MAPK12: variants seen among roughly 807,000 people sequenced by gnomAD.
MAPK12 encodes MAP kinase 12.
MAPK12 carries 49 observed loss-of-function variants against 49.1 expected under a neutral mutation model. That is an observed-to-expected ratio of 1.00 (90% CI 0.79 to 1.27). The LOEUF is 1.27. MAPK12 is among the 50% of genes most tolerant of loss of function. The pLI is 0.00. For synonymous variants in MAPK12, 251 were observed against 209.7 expected (o/e 1.20, Z -1.70); for missense variants, 554 against 502.4 (o/e 1.10, Z -0.98).
chr22:50,257,197 T>C lies in MAPK12; in HGVS notation c.315-4A>G. On this transcript the variant is annotated splice_region_variant and splice_polypyrimidine_tract_variant and intron_variant, in intron 3 of 11. Transcript: ENST00000215659. The stretch of plus-strand genomic sequence containing the variant: ...CATGAACGGCATCACCAGGTAACTG[T>C]GGGAGGGGCCGGAGCGCTGTCAGCG... 1 of 1,609,646 alleles carries C rather than the reference T, an allele frequency of 6.2e-7. No individual in the cohort carries two copies. Among genetic ancestry groups the C allele is most frequent in the Non-Finnish European group, 8.5e-7 (1 of 1,177,622 alleles).
At chr22:50,256,021 C>G (rs1472514964) in intron 7 of MAPK12, 64 bp downstream of exon 7, 4 of 1,538,228 alleles carry the variant, frequency 2.6e-6, no homozygotes, top group Admixed American at 3.4e-5. Flanking sequence ...CAGGGCTGTC[C>G]GTGAAGAAGT....
At position 50,253,095 on chromosome 22, in the gene MAPK12, C is replaced by G; in HGVS notation, c.*306G>C. The G allele has an allele frequency of 2.3e-6, 1 of 441,632 alleles. No individual in the cohort carries two copies. 27.4% of individuals were successfully genotyped at this position (441,632 alleles called of 1,614,324 possible). On this transcript the variant is annotated 3_prime_UTR_variant, in exon 12 of 12. Coordinates refer to ENST00000215659, the MANE Select transcript of MAPK12 (RefSeq NM_002969.6). ...GCAGGCAGGGCTCAGAGGCCAAGGC[C>G]TGATCTGGAGCCCCACCAGCTCTGA...
Position 50,261,620 on chromosome 22 carries a change from T to A in MAPK12, c.-111A>T, listed in dbSNP as rs187578301. ...GGCCGGCTCCGCGCCGCTCGTCCGC[T>A]CGCCCGCCCGCCCGCCGGCCGCTGG... On this transcript the variant is annotated 5_prime_UTR_variant, in exon 1 of 12. Transcript: ENST00000215659. 1 of 953,200 alleles carries A rather than the reference T, an allele frequency of 1.0e-6. No homozygotes were observed. The highest frequency in any genetic ancestry group is 1.2e-6 in the Non-Finnish European group (1 of 811,482). The allele number at this position is 953,200 out of a possible 1,614,324, so 59.0% of individuals were successfully genotyped here.
chr22:50,255,810 G>A lies in MAPK12; in HGVS notation c.691C>T (p.His231Tyr), dbSNP rs148359556. Residue 231 changes from histidine (H) to tyrosine (Y), a missense_variant and splice_region_variant, in exon 8 of 12, where the codon CAC becomes TAC. Coordinates refer to ENST00000215659, the MANE Select transcript of MAPK12 (RefSeq NM_002969.6). ...TGKTLFKGSDHLDQLKEIMKV... is the reference protein window; with the variant it reads ...TGKTLFKGSDYLDQLKEIMKV... The stretch of plus-strand genomic sequence containing the variant: ...GTGCCGCCCTGCGGCTGGAGGATAC[G>A]GTCGCTGCCCTTGAACAGCGTCTTG... The A allele has an allele frequency of 2.6e-4, 420 of 1,612,520 alleles. No individual in the cohort carries two copies. The highest frequency in any genetic ancestry group is 3.4e-4 in the Non-Finnish European group (397 of 1,180,006).
At position 50,261,248 on chromosome 22, in the gene MAPK12, C is replaced by T. The variant is rs760232268; in HGVS notation, c.174G>A (p.Leu58=). ...ACAGCTCGGACTGGAAAGGCCGATA[C>T]AGCTTCTTGATGGCCACCTTAGCGC... is the stretch of plus-strand genomic sequence containing the variant. ...RTGAKVAIKK[L]YRPFQSELFA... The change falls in exon 2 of 12, where the codon CTG becomes CTA. Residue 58 remains leucine (L), a synonymous_variant. Transcript: ENST00000215659. 6.4e-7 allele frequency: 1 copy of T among 1,570,512 alleles called. No individual in the cohort carries two copies. The highest frequency in any genetic ancestry group is 1.2e-5 in the South Asian group (1 of 85,472).
chr22:50,260,389 G>A (rs1435513695), intron 2 of MAPK12, among the ~76,000 whole-genome samples: 2 of 152,100 alleles, frequency 1.3e-5, no homozygotes, highest in Admixed American at 6.5e-5. Context: ...GCCCAGACCA[G>A]GGGGAGGGCA....
chr22:50,257,701 A>G, intron 3 of MAPK12: 1 of 610,150 alleles, frequency 1.6e-6, no homozygotes, highest in East Asian at 2.7e-5. Context: ...GGTATTTAGC[A>G]CCTTCCCAGA....
intron 2 of MAPK12, among the ~76,000 whole-genome samples, chr22:50,260,460 C>T (rs1310302060): frequency 6.6e-6 from 1 of 152,046 alleles, no homozygotes; most frequent in East Asian, 1.9e-4. Context: ...GCACCCCTGG[C>T]AGAGAGATCG....
At chr22:50,258,188 C>T (rs2065171519) in intron 3 of MAPK12, 55 bp downstream of exon 3, 2 of 1,559,938 alleles carry the variant, frequency 1.3e-6, no homozygotes, top group South Asian at 2.2e-5. Context: ...GAAGCCAGTG[C>T]CCAGAGCTGC....
At chr22:50,253,673 A>T in intron 11 of MAPK12, 193 bp from the exon 12 acceptor site, 6 of 594,826 alleles carry the variant, frequency 1.0e-5, no homozygotes, top group East Asian at 5.6e-5. Flanking sequence ...GGGAAAGGGG[A>T]GGTGGCCAGG....
At chr22:50,256,522 C>T in intron 6 of MAPK12, 77 bp downstream of exon 6, 2 of 1,543,686 alleles carry the variant, frequency 1.3e-6, no homozygotes, top group African/African-American at 2.8e-5. Flanking sequence ...CCTGCCCAGG[C>T]CTGACAGGTG....
At chr22:50,253,629 T>C in intron 11 of MAPK12, 149 bp from the exon 12 acceptor site, 1 of 622,310 alleles carries the variant, frequency 1.6e-6, no homozygotes, top group Non-Finnish European at 2.9e-6. Context: ...AAGGTTTGTG[T>C]GAAGAGGCCA....
intron 11 of MAPK12, 22 bp from the exon 12 acceptor site, chr22:50,253,502 G>GCCGCCCCCCCCCCCCC: frequency 5.8e-6 from 1 of 171,684 alleles, no homozygotes; most frequent in Non-Finnish European, 1.1e-5. Context: ...GGGGGGGCGG[G>GCCGCCCCCCCCCCCCC]CACAACAGAG....
At chr22:50,258,400 G>A in intron 2 of MAPK12, 99 bp from the exon 3 acceptor site, 3 of 1,018,024 alleles carry the variant, frequency 2.9e-6, no homozygotes, top group Non-Finnish European at 4.6e-6. Context: ...CCCCTCTGCA[G>A]CTGTCATTGT....
Position 50,261,243 on chromosome 22 carries a change from C to A in MAPK12, c.179G>T (p.Arg60Leu), listed in dbSNP as rs771733687. ...GAKVAIKKLY[R>L]PFQSELFAKR... ...GGCGAACAGCTCGGACTGGAAAGGC[C>A]GATACAGCTTCTTGATGGCCACCTT... The change falls in exon 2 of 12, where the codon CGG becomes CTG. Residue 60 changes from arginine to leucine, a missense_variant. Transcript: ENST00000215659. 2 of 1,571,974 alleles carry A rather than the reference C, an allele frequency of 1.3e-6. No homozygotes were observed. Among genetic ancestry groups the A allele is most frequent in the African/African-American group, 1.4e-5 (1 of 72,292 alleles).
chr22:50,253,319 C>T lies in MAPK12; in HGVS notation c.*82G>A. 9.6e-7 allele frequency: 1 copy of T among 1,045,720 alleles called. No individual in the cohort carries two copies. Among genetic ancestry groups the T allele is most frequent in the East Asian group, 2.6e-5 (1 of 38,606 alleles). The allele number at this position is 1,045,720 out of a possible 1,614,324, so 64.8% of individuals were successfully genotyped here. On this transcript the variant is annotated 3_prime_UTR_variant, in exon 12 of 12. Coordinates refer to ENST00000215659, the MANE Select transcript of MAPK12 (RefSeq NM_002969.6). ...GATGCCTTGGGATGCAAGCCCCAGC[C>T]AAGGTCAAGGTGGCAACGAGAGTCC...
chr22:50,253,796 C>T (rs965762159), intron 11 of MAPK12: 2 of 428,464 alleles, frequency 4.7e-6, no homozygotes, highest in East Asian at 4.4e-5. Flanking sequence ...AGTTATCTTT[C>T]TAGCAGCAGA....
chr22:50,257,719 G>A (rs932640709), intron 3 of MAPK12: 1 of 630,872 alleles, frequency 1.6e-6, no homozygotes, highest in South Asian at 1.9e-5. Context: ...AGAGGCCACT[G>A]ACTTGACCTC....
At chr22:50,254,713 C>G (rs2065130852) in intron 11 of MAPK12, 1 of 1,069,424 alleles carries the variant, frequency 9.4e-7, no homozygotes. Flanking sequence ...GCAGAGAGGC[C>G]TTAGGGACAA....
Sources: gnomAD v4.1 joint callset for allele counts (sites outside exome capture counted in the v4.1 genomes callset) on GRCh38, gnomAD v4.1.1 for gene constraint, MANE v1.5 for transcripts, NCBI Gene and HGNC (gene_info 2026-07-23, HGNC 2026-07-21) for gene names.